TENM2: variants seen among roughly 807,000 people sequenced by gnomAD.
The protein encoded by TENM2 is teneurin transmembrane protein 2, also known as teneurin-2.
TENM2 carries 52 observed loss-of-function variants against 245.2 expected under a neutral mutation model. The ratio of observed to expected loss-of-function variants is 0.21; its 90% CI spans 0.17 to 0.27. The LOEUF is 0.27. TENM2 is among the 10% of genes least tolerant of loss of function. The pLI is 1.00. For synonymous variants in TENM2, 1,363 were observed against 1,438.9 expected, an observed-to-expected ratio of 0.95 and a Z score of 1.19; for missense variants, 3,046 against 3,666.8, an observed-to-expected ratio of 0.83 and a Z score of 4.37.
the TENM2 span, among the ~76,000 whole-genome samples, chr5:167,001,991 T>C: frequency 6.6e-6 from 1 of 152,214 alleles, no homozygotes; most frequent in East Asian, 1.9e-4. Context: ...CTTTTTGTAC[T>C]TATATCAAAT....
At chr5:167,292,370 TA>T (rs1166768960) in intron 1 of TENM2, among the ~76,000 whole-genome samples, 1 of 152,242 alleles carries the variant, frequency 6.6e-6, no homozygotes, top group Non-Finnish European at 1.5e-5. Context: ...GCATTTTAGA[TA>T]AAGTCTTCCA....
intron 5 of TENM2, among the ~76,000 whole-genome samples, chr5:168,001,220 A>C (rs564222378): frequency 6.6e-6 from 1 of 152,198 alleles, no homozygotes; most frequent in East Asian, 1.9e-4. Flanking sequence ...TGCACTTCTG[A>C]GTTAGAAAGC....
intron 2 of TENM2, among the ~76,000 whole-genome samples, chr5:167,616,231 T>C (rs947188171): frequency 7.2e-5 from 11 of 152,166 alleles, no homozygotes; most frequent in Non-Finnish European, 1.3e-4. Flanking sequence ...AGCCTGTGCT[T>C]GATCTAAAGA....
At chr5:167,870,581 A>ATATATATGTATATATATGTG (rs1561877765) in intron 2 of TENM2, among the ~76,000 whole-genome samples, 8 of 139,536 alleles carry the variant, frequency 5.7e-5, no homozygotes, top group Admixed American at 4.4e-4. Flanking sequence ...GTGTGTGTAT[A>ATATATATGTATATATATGTG]TATATATGTA....
intron 8 of TENM2, 50 bp downstream of exon 10, chr5:168,090,819 G>A (rs760009516): frequency 6.6e-7 from 1 of 1,509,208 alleles, no homozygotes; most frequent in South Asian, 1.2e-5. Context: ...AGATGGAAAT[G>A]TTCTGGGCTT....
intron 2 of TENM2, among the ~76,000 whole-genome samples, chr5:167,790,081 T>A (rs185708591): frequency 6.6e-6 from 1 of 152,320 alleles, no homozygotes; most frequent in East Asian, 1.9e-4. Context: ...TGAGTGTACT[T>A]TTTGTTATTA....
At chr5:168,195,220 C>T (rs746753877) in exon 15 of TENM2, 1 of 1,608,474 alleles carries the variant, frequency 6.2e-7, no homozygotes, top group South Asian at 1.1e-5. Context: ...ACAGATGGAA[C>T]TCCCCTGGTC....
intron 2 of TENM2, among the ~76,000 whole-genome samples, chr5:167,770,796 A>C (rs1302061733): frequency 6.6e-6 from 1 of 152,156 alleles, no homozygotes; most frequent in African/African-American, 2.4e-5. Context: ...ACTTCTGAAC[A>C]GCTTTGGTTA....
chr5:167,428,277 CAAT>C (rs1561946799), intron 2 of TENM2, among the ~76,000 whole-genome samples: 1 of 152,234 alleles, frequency 6.6e-6, no homozygotes, highest in East Asian at 1.9e-4. Context: ...GCTTCTAAAA[CAAT>C]AAAGTTTAAG....
intron 7 of TENM2, among the ~76,000 whole-genome samples, chr5:168,086,080 C>G (rs1479219771): frequency 6.6e-6 from 1 of 152,194 alleles, no homozygotes; most frequent in Non-Finnish European, 1.5e-5. Context: ...ATAACATCTT[C>G]CCGAAGGGCA....
chr5:168,190,517 T>C, exon 14 of TENM2: 3 of 1,613,960 alleles, frequency 1.9e-6, no homozygotes, highest in Non-Finnish European at 2.5e-6. Flanking sequence ...AGCACCCACA[T>C]CATTCCTGGA....
the TENM2 span, among the ~76,000 whole-genome samples, chr5:167,231,621 T>C: frequency 6.6e-6 from 1 of 152,194 alleles, no homozygotes; most frequent in Admixed American, 6.5e-5. Context: ...TTTTAGGTAT[T>C]CACAAAGATA....
intron 25 of TENM2, among the ~76,000 whole-genome samples, chr5:168,229,064 A>ATAAT (rs1764573336): frequency 6.7e-6 from 1 of 148,344 alleles, no homozygotes; most frequent in Non-Finnish European, 1.5e-5. Context: ...TAATTAATGT[A>ATAAT]TAATTATATG....
At chr5:167,706,842 C>T (rs983812228) in intron 2 of TENM2, among the ~76,000 whole-genome samples, 4 of 151,560 alleles carry the variant, frequency 2.6e-5, no homozygotes, top group South Asian at 2.1e-4. Context: ...GTGAAAGCCC[C>T]GTCTCTACTA....
intron 2 of TENM2, among the ~76,000 whole-genome samples, chr5:167,794,329 C>A (rs1765178299): frequency 6.6e-6 from 1 of 152,132 alleles, no homozygotes; most frequent in African/African-American, 2.4e-5. Context: ...TGCTGGTGAA[C>A]CTGAAAGGGA....
At chr5:167,048,274 C>G in the TENM2 span, among the ~76,000 whole-genome samples, 1 of 152,016 alleles carries the variant, frequency 6.6e-6, no homozygotes, top group East Asian at 1.9e-4. Flanking sequence ...TAAAAAAATT[C>G]TTTATTATTC....
At chr5:168,093,217 T>G (rs922871994) in intron 8 of TENM2, among the ~76,000 whole-genome samples, 7 of 152,172 alleles carry the variant, frequency 4.6e-5, no homozygotes, top group Non-Finnish European at 8.8e-5. Flanking sequence ...TTTATCCACA[T>G]GGACACAGGC....
the TENM2 span, among the ~76,000 whole-genome samples, chr5:167,146,894 A>C: frequency 6.6e-6 from 1 of 152,194 alleles, no homozygotes; most frequent in African/African-American, 2.4e-5. Flanking sequence ...AACAATCATG[A>C]TTTTATAGAA....
chr5:167,342,107 A>G (rs986371262), intron 1 of TENM2, among the ~76,000 whole-genome samples: 1 of 152,222 alleles, frequency 6.6e-6, no homozygotes, highest in Non-Finnish European at 1.5e-5. Flanking sequence ...ATAAATCAAT[A>G]GTAATACATT....
Sources: gnomAD v4.1 joint callset for allele counts (sites outside exome capture counted in the v4.1 genomes callset) on GRCh38, gnomAD v4.1.1 for gene constraint, MANE v1.5 for transcripts, NCBI Gene and HGNC (gene_info 2026-07-23, HGNC 2026-07-21) for gene names.